Variants in CELSR1 observed in about 807,000 individuals in gnomAD.
CELSR1 encodes the protein cadherin EGF LAG seven-pass G-type receptor 1, also known as adhesion G protein-coupled receptor C1.
Under a neutral mutation model 249.1 loss-of-function variants are expected in CELSR1, and 110 were observed. The observed-to-expected ratio is 0.44, with a 90% CI of 0.38 to 0.52. CELSR1 has a LOEUF of 0.52. CELSR1 is among the 20% of genes least tolerant of loss of function. CELSR1 has a pLI of 0.00. For synonymous variants in CELSR1, 2,113 were observed against 1,900.0 expected, an observed-to-expected ratio of 1.11 and a Z score of -2.92; for missense variants, 4,109 against 4,296.4, an observed-to-expected ratio of 0.96 and a Z score of 1.22.
intron 1 of CELSR1, among the ~76,000 whole-genome samples, chr22:46,487,908 G>T: frequency 7.5e-6 from 1 of 133,118 alleles, no homozygotes; most frequent in East Asian, 2.4e-4. Flanking sequence ...ATATGGGAGG[G>T]CTGTCCAGCT....
chr22:46,452,157 CT>C (rs1477003659), intron 2 of CELSR1, among the ~76,000 whole-genome samples: 1 of 139,304 alleles, frequency 7.2e-6, no homozygotes, highest in African/African-American at 3.4e-5. Context: ...CACAGCAGTC[CT>C]AGGAGAACGA....
chr22:46,523,555 T>TAAATAAATAAATA (rs1381881715), intron 1 of CELSR1, among the ~76,000 whole-genome samples: 18 of 114,380 alleles, frequency 1.6e-4, no homozygotes, highest in African/African-American at 4.5e-4. Flanking sequence ...AATAAATAAA[T>TAAATAAATAAATA]AAATAAAATA....
intron 5 of CELSR1, among the ~76,000 whole-genome samples, chr22:46,414,585 CCG>C (rs2079376946): frequency 6.6e-6 from 1 of 151,942 alleles, no homozygotes; most frequent in African/African-American, 2.4e-5. Context: ...CGCAGGCTAA[CCG>C]TCCACTCTCC....
Position 46,446,980 on chromosome 22 carries a change from C to G in CELSR1, c.4184-7569G>C, listed in dbSNP as rs1424465885. Among the ~76,000 whole-genome samples the G allele has an allele frequency of 6.6e-6, 1 of 152,068 alleles. No individual in the cohort carries two copies. On this transcript the variant is annotated intron_variant, in intron 2 of 34. Coordinates refer to ENST00000674500, the MANE Select transcript of CELSR1 (RefSeq NM_001378328.1). The surrounding 1 kb of genome is among the most constrained non-coding windows in gnomAD (Gnocchi z 5.5). ...GGTTGGTGGTTAAGCACTTGCAGCA[C>G]AGCCCTGCACAGAAGATAAAGTTAA... is the stretch of plus-strand genomic sequence containing the variant.
intron 1 of CELSR1, among the ~76,000 whole-genome samples, chr22:46,493,174 C>T (rs996080971): frequency 6.6e-6 from 1 of 151,400 alleles, no homozygotes; most frequent in African/African-American, 2.4e-5. Flanking sequence ...CAGTTGAGCC[C>T]AGGAGTTGGA....
Position 46,533,616 on chromosome 22 carries a change from C to T in CELSR1, c.3544+11G>A, listed in dbSNP as rs761602065. On this transcript the variant is annotated intron_variant, in intron 1 of 34. Transcript: ENST00000674500. ...TCAGGAGCTACTCCTCCCACCCCGA[C>T]GGCCACTCACCAGACACAGACACCT... 3.9e-5 allele frequency: 60 copies of T among 1,539,974 alleles called. No homozygotes were observed. The East Asian group carries it at 5.9e-4, about 15-fold the overall frequency.
chr22:46,536,749 G>A lies in CELSR1; in HGVS notation c.422C>T (p.Ala141Val), dbSNP rs891553813. ...LCFPVPGGCA[A>V]AQHSALAAPT... ...AGCTGCGAGCGCCGAATGCTGCGCGGCCGCGCAGCCGCCGGGGACGGGGAA... is the reference window on the plus strand; with the variant it reads ...AGCTGCGAGCGCCGAATGCTGCGCGACCGCGCAGCCGCCGGGGACGGGGAA... Residue 141 changes from alanine (A) to valine (V), a missense_variant, in exon 1 of 35, where the codon GCC becomes GTC. Coordinates refer to ENST00000674500, the MANE Select transcript of CELSR1 (RefSeq NM_001378328.1). The A allele has an allele frequency of 2.2e-4, 263 of 1,172,900 alleles. No homozygotes were observed. In the African/African-American group the frequency reaches 3.4e-3, roughly 15 times the overall value. 72.7% of individuals were successfully genotyped at this position (1,172,900 alleles called of 1,614,324 possible).
At position 46,527,378 on chromosome 22, in the gene CELSR1, C is replaced by T. The variant is rs1210939701; in HGVS notation, c.3544+6249G>A. ...TTGCCTAAATCCTCCCGAGGGGGCC[C>T]ACCAAACCCTCCACAGTCAGCCCTC... On this transcript the variant is annotated intron_variant, in intron 1 of 34. Transcript: ENST00000674500. The surrounding 1 kb of genome is among the most constrained non-coding windows in gnomAD (Gnocchi z 5.5). 6.6e-6 allele frequency among the ~76,000 whole-genome samples: 1 copy of T among 152,168 alleles called. No homozygotes were observed. The highest frequency in any genetic ancestry group is 1.5e-5 in the Non-Finnish European group (1 of 68,022).
chr22:46,382,813 G>A (rs541605471), intron 20 of CELSR1, among the ~76,000 whole-genome samples: 20 of 152,154 alleles, frequency 1.3e-4, no homozygotes, highest in Non-Finnish European at 2.5e-4. Flanking sequence ...GACAAATATC[G>A]TGTGACTCCT....
At chr22:46,529,512 A>T (rs981110422) in intron 1 of CELSR1, among the ~76,000 whole-genome samples, 30 of 151,366 alleles carry the variant, frequency 2.0e-4, no homozygotes, top group Admixed American at 5.3e-4. Context: ...TAGCTAAAAA[A>T]ATGAATAAGG....
rs1478210928 is a variant in CELSR1, at chr22:46,367,846, C to G, written c.7962G>C (p.Leu2654=). ...YYGKKGIVSL[L]RTAFLLLLLI... ...GCAGCAGCAGGAGGAATGCGGTCCT[C>G]AGCAGGGAGCTGCGGGAGGGCAGGA... The change falls in exon 28 of 35, where the codon CTG becomes CTC. Residue 2654 remains leucine, a synonymous_variant. Transcript: ENST00000674500. The G allele has an allele frequency of 6.2e-7, 1 of 1,610,106 alleles. No individual in the cohort carries two copies. The highest frequency in any genetic ancestry group is 8.5e-7 in the Non-Finnish European group (1 of 1,179,462).
chr22:46,537,008 C>A lies in CELSR1; in HGVS notation c.163G>T (p.Ala55Ser), dbSNP rs1376806921. 9.0e-7 allele frequency: 1 copy of A among 1,108,170 alleles called. No homozygotes were observed. Among genetic ancestry groups the A allele is most frequent in the Non-Finnish European group, 1.1e-6 (1 of 910,340 alleles). 68.6% of individuals were successfully genotyped at this position (1,108,170 alleles called of 1,614,324 possible). ...RPGCTYAVGA[A>S]CTPRAPRELL... ...TCCCGCGGCGCCCGGGGCGTGCAAGCGGCGCCCACCGCGTAGGTACAGCCG... is the reference window on the plus strand; with the variant it reads ...TCCCGCGGCGCCCGGGGCGTGCAAGAGGCGCCCACCGCGTAGGTACAGCCG... The change falls in exon 1 of 35, where the codon GCT (alanine) becomes TCT (serine). Residue 55 changes from alanine (A) to serine (S), a missense_variant. Around this residue, in one of 7 missense-constraint regions of CELSR1, gnomAD observed 673 missense variants for 636.8 expected, o/e 1.06. Coordinates refer to ENST00000674500, the MANE Select transcript of CELSR1 (RefSeq NM_001378328.1). The surrounding 1 kb of genome is among the most constrained non-coding windows in gnomAD (Gnocchi z 5.8).
At chr22:46,364,389 A>G in intron 33 of CELSR1, 123 bp downstream of exon 33, 1 of 1,489,058 alleles carries the variant, frequency 6.7e-7, no homozygotes, top group South Asian at 1.3e-5. Flanking sequence ...CCAGGAGGCC[A>G]CGTCTGTTCT....
chr22:46,407,905 A>G lies in CELSR1; in HGVS notation c.5226+1091T>C, dbSNP rs1332443368. Among the ~76,000 whole-genome samples, 1 of 152,216 alleles carries G rather than the reference A, an allele frequency of 6.6e-6. No individual in the cohort carries two copies. The highest frequency in any genetic ancestry group is 2.4e-5 in the African/African-American group (1 of 41,462). On this transcript the variant is annotated intron_variant, in intron 9 of 34. Transcript: ENST00000674500. The surrounding 1 kb of genome is among the most constrained non-coding windows in gnomAD (Gnocchi z 4.8). The stretch of plus-strand genomic sequence containing the variant: ...AGAGCGCCCGTGCCCCGCCATCACT[A>G]CAGACGAGAATGACCTTCAGATGCA...
At chr22:46,513,337 T>C (rs1185544757) in intron 1 of CELSR1, among the ~76,000 whole-genome samples, 7 of 152,070 alleles carry the variant, frequency 4.6e-5, no homozygotes, top group Admixed American at 3.9e-4. Flanking sequence ...GGATTAAAAA[T>C]ACAAGTTCAA....
intron 19 of CELSR1, 64 bp from the exon 20 acceptor site, chr22:46,384,750 CA>C: frequency 6.6e-7 from 1 of 1,510,446 alleles, no homozygotes; most frequent in Non-Finnish European, 8.9e-7. Context: ...CTGCTGTTTT[CA>C]AAATGACCAC....
At chr22:46,508,369 GC>G (rs2080537319) in intron 1 of CELSR1, among the ~76,000 whole-genome samples, 1 of 152,076 alleles carries the variant, frequency 6.6e-6, no homozygotes, top group Admixed American at 6.5e-5. Flanking sequence ...GGGCACATGG[GC>G]CCTGCCTCCT....
In CELSR1 at chr22:46,380,405, T is replaced by A. The variant is rs1273320687; in HGVS notation, c.7256+383A>T. On this transcript the variant is annotated intron_variant, in intron 22 of 34. Transcript: ENST00000674500. The surrounding 1 kb of genome is among the most constrained non-coding windows in gnomAD (Gnocchi z 5.1). ...CTCTTAGGCCAGTCTCTGGGTTCTG[T>A]CTCCCGTGTGTGACCGGAATGGGCC... Among the ~76,000 whole-genome samples the A allele has an allele frequency of 6.6e-6, 1 of 152,178 alleles. No homozygotes were observed. Among genetic ancestry groups the A allele is most frequent in the Non-Finnish European group, 1.5e-5 (1 of 68,018 alleles).
rs1189108838 is a variant in CELSR1 at position 46,518,377 on chromosome 22, G to A, written c.3544+15250C>T. 6.6e-6 allele frequency among the ~76,000 whole-genome samples: 1 copy of A among 152,212 alleles called. No individual in the cohort carries two copies. Among genetic ancestry groups the A allele is most frequent in the Non-Finnish European group, 1.5e-5 (1 of 68,036 alleles). On this transcript the variant is annotated intron_variant, in intron 1 of 34. Coordinates refer to ENST00000674500, the MANE Select transcript of CELSR1 (RefSeq NM_001378328.1). The surrounding 1 kb of genome is among the most constrained non-coding windows in gnomAD (Gnocchi z 5.2). Reference sequence around the variant, plus strand: ...CTCGTTAGAGGAGAACGAAGGGAGTGGGCTCCCACAGACCACATTGCACTG... The same window carrying A: ...CTCGTTAGAGGAGAACGAAGGGAGTAGGCTCCCACAGACCACATTGCACTG...
Sources: gnomAD v4.1 joint callset for allele counts (sites outside exome capture counted in the v4.1 genomes callset) on GRCh38, gnomAD v4.1.1 for gene constraint, gnomAD v4.1.1 regional missense constraint, Gnocchi (gnomAD v3.1) non-coding constraint, MANE v1.5 for transcripts, NCBI Gene and HGNC (gene_info 2026-07-23, HGNC 2026-07-21) for gene names.